The following PABPC1L variants were observed in gnomAD, a reference collection of about 807,000 sequenced individuals.
The protein encoded by PABPC1L is polyadenylate-binding protein 1-like.
A neutral mutation model predicts 66.6 loss-of-function variants in PABPC1L; 31 were observed. The observed-to-expected ratio is 0.47, with a 90% CI of 0.35 to 0.63. PABPC1L has a LOEUF of 0.63. Ranked by LOEUF, PABPC1L falls within the 20% of genes least tolerant of loss-of-function variation. The pLI, the probability that PABPC1L is intolerant of heterozygous loss-of-function variation, is 0.00. For synonymous variants in PABPC1L, 348 were observed against 335.1 expected (o/e 1.04, Z -0.42); for missense variants, 722 against 848.8 (o/e 0.85, Z 1.86).
intron 10 of PABPC1L, among the ~76,000 whole-genome samples, chr20:44,934,483 C>T (rs944168817): frequency 6.6e-5 from 10 of 152,212 alleles, no homozygotes; most frequent in African/African-American, 1.9e-4. Flanking sequence ...CATAACTTCT[C>T]GTTCCTCCTC....
intron 9 of PABPC1L, chr20:44,932,837 T>C (rs2066871715): frequency 3.5e-6 from 2 of 570,136 alleles, no homozygotes; most frequent in East Asian, 5.8e-5. Flanking sequence ...AGTTTGGGGC[T>C]CTAGGTAGAC....
intron 5 of PABPC1L, among the ~76,000 whole-genome samples, chr20:44,919,752 G>C (rs1304063019): frequency 2.6e-5 from 4 of 152,192 alleles, no homozygotes; most frequent in Non-Finnish European, 5.9e-5. Flanking sequence ...GGGAGGCTGG[G>C]TGGGAAGACT....
At position 44,930,560 on chromosome 20, in the gene PABPC1L, T is replaced by C. The variant is rs1180679875; in HGVS notation, c.1073T>C (p.Val358Ala). The change falls in exon 8 of 15, where the codon GTG (valine) becomes GCG (alanine). Residue 358 changes from valine (V) to alanine (A), a missense_variant. This residue lies in a region of PABPC1L where 137 missense variants were observed against 216.8 expected (regional missense o/e 0.63). Coordinates refer to ENST00000217073, the MANE Select transcript of PABPC1L (RefSeq NM_001372179.1). Reference sequence around the variant, plus strand: ...GTGACAGAGATGAACGGGCGCATCGTGGGCACCAAGCCACTCTACGTGGCA... The same window carrying C: ...GTGACAGAGATGAACGGGCGCATCGCGGGCACCAAGCCACTCTACGTGGCA... ...KAVTEMNGRI[V>A]GTKPLYVALA... 4.3e-6 allele frequency: 7 copies of C among 1,614,248 alleles called. No homozygotes were observed. Among genetic ancestry groups the C allele is most frequent in the Admixed American group, 1.7e-5 (1 of 60,036 alleles).
intron 11 of PABPC1L, among the ~76,000 whole-genome samples, chr20:44,936,367 T>C (rs9917448): frequency 0.027 from 4,080 of 152,272 alleles, 172 homozygotes; most frequent in African/African-American, 0.091. Context: ...ACAAAGTTAT[T>C]GGTAACACAG....
intron 6 of PABPC1L, among the ~76,000 whole-genome samples, chr20:44,923,578 G>A (rs1447703294): frequency 1.3e-5 from 2 of 151,828 alleles, no homozygotes; most frequent in Non-Finnish European, 2.9e-5. Flanking sequence ...GCACTGAGCC[G>A]AGATTGCACC....
intron 13 of PABPC1L, 109 bp downstream of exon 13, chr20:44,938,300 T>C: frequency 7.1e-7 from 1 of 1,400,066 alleles, no homozygotes; most frequent in Non-Finnish European, 9.5e-7. Context: ...ATAAAGTGTT[T>C]CTTCTTGCTA....
intron 12 of PABPC1L, chr20:44,937,808 T>A (rs1195440660): frequency 2.1e-6 from 1 of 482,562 alleles, no homozygotes; most frequent in Non-Finnish European, 3.7e-6. Context: ...GGGACGATCC[T>A]TTCCGCCCCC....
At chr20:44,916,990 C>A in intron 3 of PABPC1L, 119 bp downstream of exon 3, 1 of 911,742 alleles carries the variant, frequency 1.1e-6, no homozygotes, top group Non-Finnish European at 1.7e-6. Context: ...GAGCGGCAGG[C>A]AGCCCTCCTA....
chr20:44,921,722 G>T lies in PABPC1L; in HGVS notation c.867G>T (p.Arg289Ser), dbSNP rs781371414. 1 of 1,613,510 alleles carries T rather than the reference G, an allele frequency of 6.2e-7. No homozygotes were observed. The highest frequency in any genetic ancestry group is 8.5e-7 in the Non-Finnish European group (1 of 1,179,776). The change falls in exon 6 of 15, where the codon AGG becomes AGT. Residue 289 changes from arginine to serine, a missense_variant. Transcript: ENST00000217073. ...RFEQMKQDRLRRYQGVNLYVK... is the reference protein window; with the variant it reads ...RFEQMKQDRLSRYQGVNLYVK... ...AGCAGATGAAGCAGGACCGGCTGAG[G>T]CGTTACCAGGTGAGGTCAGGCTTCC...
In PABPC1L at chr20:44,938,781, C is replaced by T. The variant is rs114985890; in HGVS notation, c.*6+33C>T. On this transcript the variant is annotated intron_variant, in intron 14 of 14. Coordinates refer to ENST00000217073, the MANE Select transcript of PABPC1L (RefSeq NM_001372179.1). ...GAATGGTGACAGAAGCAGCTGAGCCCGGGAGAAGCTGTAAGGAAATAGGCA... is the reference window on the plus strand; with the variant it reads ...GAATGGTGACAGAAGCAGCTGAGCCTGGGAGAAGCTGTAAGGAAATAGGCA... 6.7e-4 allele frequency: 1,057 copies of T among 1,588,852 alleles called. 11 individuals are homozygous for T. The East Asian group carries it at 0.02, about 30-fold the overall frequency.
Position 44,932,342 on chromosome 20 carries a change from C to G in PABPC1L, c.1240C>G (p.Pro414Ala). The G allele has an allele frequency of 6.2e-7, 1 of 1,604,920 alleles. No homozygotes were observed. Among genetic ancestry groups the G allele is most frequent in the Non-Finnish European group, 8.5e-7 (1 of 1,173,858 alleles). The change falls in exon 9 of 15, where the codon CCT (proline) becomes GCT (alanine). Residue 414 changes from proline (P) to alanine (A), a missense_variant and splice_region_variant. By Grantham distance (27) the Pro-to-Ala change is conservative (BLOSUM62 -1). Coordinates refer to ENST00000217073, the MANE Select transcript of PABPC1L (RefSeq NM_001372179.1). ...SSYFLPAMPQ[P>A]PAQAAYYGCG... ...GTCTGGGTCTTCTTTTCCCATGCAG[C>G]CTCCAGCCCAGGCTGCATACTATGG... is the stretch of plus-strand genomic sequence containing the variant.
intron 13 of PABPC1L, 72 bp from the exon 14 acceptor site, chr20:44,938,602 G>A: frequency 6.6e-7 from 1 of 1,519,494 alleles, no homozygotes; most frequent in Non-Finnish European, 8.9e-7. Flanking sequence ...GGTGAGCGAG[G>A]GGGAGATCAA....
In PABPC1L at chr20:44,910,159, T is replaced by A. The variant is rs368412886; in HGVS notation, c.16T>A (p.Ser6Thr). The change falls in exon 1 of 15, where the codon TCT becomes ACT. Residue 6 changes from serine to threonine, a missense_variant. This residue lies in a region of PABPC1L where 284 missense variants were observed against 294.8 expected (regional missense o/e 0.96). Coordinates refer to ENST00000217073, the MANE Select transcript of PABPC1L (RefSeq NM_001372179.1). MNASG[S>T]GYPLASLYVG... ...CCTGCCCACCATGAACGCCAGCGGT[T>A]CTGGCTACCCGCTTGCCTCGCTTTA... The A allele has an allele frequency of 6.4e-7, 1 of 1,569,820 alleles. No individual in the cohort carries two copies. Among genetic ancestry groups the A allele is most frequent in the Non-Finnish European group, 8.6e-7 (1 of 1,158,008 alleles).
chr20:44,926,525 T>G (rs527433903), intron 7 of PABPC1L, among the ~76,000 whole-genome samples: 23 of 141,472 alleles, frequency 1.6e-4, no homozygotes, highest in South Asian at 9.1e-4. Flanking sequence ...ACGCCCAGCC[T>G]ACATATATAT....
intron 7 of PABPC1L, among the ~76,000 whole-genome samples, chr20:44,929,333 A>G (rs1255877214): frequency 1.3e-5 from 2 of 152,156 alleles, no homozygotes; most frequent in Non-Finnish European, 2.9e-5. Context: ...GAAGAGAAAA[A>G]GAATATTAGG....
intron 11 of PABPC1L, 95 bp downstream of exon 11, chr20:44,935,592 T>C: frequency 1.0e-6 from 1 of 989,558 alleles, no homozygotes. Flanking sequence ...TTTTTTCTTT[T>C]CTTGGCTTGT....
At chr20:44,912,946 C>T in intron 2 of PABPC1L, 93 bp downstream of exon 2, 3 of 1,235,928 alleles carry the variant, frequency 2.4e-6, no homozygotes, top group Non-Finnish European at 3.4e-6. Flanking sequence ...TTACAGTTTA[C>T]AAGGTCCTTT....
Position 44,921,623 on chromosome 20 carries a change from G to C in PABPC1L, c.768G>C (p.Val256=). 1.9e-6 allele frequency: 3 copies of C among 1,614,026 alleles called. No individual in the cohort carries two copies. The highest frequency in any genetic ancestry group is 2.5e-6 in the Non-Finnish European group (3 of 1,179,974). The change falls in exon 6 of 15, where the codon GTG becomes GTC. Residue 256 remains valine (V), a synonymous_variant. Coordinates refer to ENST00000217073, the MANE Select transcript of PABPC1L (RefSeq NM_001372179.1). ...KAVVHMNGKE[V]SGRLLYAGRA... ...TGGTCCATATGAACGGGAAGGAGGT[G>C]AGCGGGCGGCTGCTGTACGCGGGCC...
intron 2 of PABPC1L, 87 bp downstream of exon 2, chr20:44,912,940 A>G: frequency 7.8e-7 from 1 of 1,289,632 alleles, no homozygotes. Flanking sequence ...CTCACTTTAC[A>G]GTTTACAAGG....
Sources: gnomAD v4.1 joint callset for allele counts (sites outside exome capture counted in the v4.1 genomes callset) on GRCh38, gnomAD v4.1.1 for gene constraint, gnomAD v4.1.1 regional missense constraint, MANE v1.5 for transcripts, NCBI Gene and HGNC (gene_info 2026-07-23, HGNC 2026-07-21) for gene names.